The following ERBB4 variants were observed in gnomAD, a reference collection of about 807,000 sequenced individuals.
ERBB4 encodes receptor tyrosine-protein kinase erbB-4.
In ERBB4, 42 loss-of-function variants were observed where a neutral mutation model predicts 158.0. The observed-to-expected ratio is 0.27, with a 90% CI of 0.21 to 0.34. The LOEUF is 0.34. Among genes scored for constraint, ERBB4 ranks in the 10% least tolerant of loss-of-function variants. ERBB4 has a pLI of 1.00. For missense variants in ERBB4, 1,333 were observed against 1,624.1 expected (o/e 0.82, Z 3.08); for synonymous variants, 583 against 558.7 (o/e 1.04, Z -0.61).
rs2062465252 is a variant in ERBB4 at position 211,375,957 on chromosome 2, C to T, written c.*7658G>A. 4.3e-6 allele frequency: 1 copy of T among 232,736 alleles called. No individual in the cohort carries two copies. Among genetic ancestry groups the T allele is most frequent in the East Asian group, 6.1e-5 (1 of 16,474 alleles). 14.4% of individuals were successfully genotyped at this position (232,736 alleles called of 1,614,324 possible). ...AGCCTAATTACATAAATGTAAAATA[C>T]TGTTTCTCCCTCATTCTCAAATAAC... On this transcript the variant is annotated 3_prime_UTR_variant, in exon 28 of 28. Transcript: ENST00000342788.
chr2:212,484,018 G>A (rs1196191016), intron 1 of ERBB4, among the ~76,000 whole-genome samples: 1 of 152,150 alleles, frequency 6.6e-6, no homozygotes, highest in African/African-American at 2.4e-5. Flanking sequence ...TTACAGGCAT[G>A]AGCCACCGCG....
At chr2:212,157,692 A>G (rs576228972) in intron 1 of ERBB4, among the ~76,000 whole-genome samples, 17 of 152,238 alleles carry the variant, frequency 1.1e-4, no homozygotes, top group African/African-American at 4.1e-4. Flanking sequence ...AAGTTTATCA[A>G]TTGATAAGTC....
At chr2:211,442,729 A>ATG (rs1350114891) in intron 20 of ERBB4, among the ~76,000 whole-genome samples, 3 of 58,716 alleles carry the variant, frequency 5.1e-5, no homozygotes, top group African/African-American at 1.7e-4. Flanking sequence ...ATATATACAT[A>ATG]TGTGTATATA....
intron 2 of ERBB4, among the ~76,000 whole-genome samples, chr2:211,957,618 A>T (rs2081069820): frequency 6.6e-6 from 1 of 151,994 alleles, no homozygotes; most frequent in Non-Finnish European, 1.5e-5. Flanking sequence ...AAATCCTAGG[A>T]TTATTTTGAG....
chr2:211,721,620 CATATATATATATAT>C (rs71054137), intron 7 of ERBB4, among the ~76,000 whole-genome samples: 1 of 131,904 alleles, frequency 7.6e-6, no homozygotes, highest in African/African-American at 3.1e-5. Context: ...TGCTATTAAA[CATATATATATATAT>C]ATATATATAT....
At chr2:212,181,995 G>A (rs1441245921) in intron 1 of ERBB4, among the ~76,000 whole-genome samples, 2 of 151,534 alleles carry the variant, frequency 1.3e-5, no homozygotes, top group Non-Finnish European at 3.0e-5. Context: ...TTATTTGTGT[G>A]GTAACCTTAC....
rs899450721 is a variant in ERBB4, at chr2:211,780,805, C to T, written c.556+7220G>A. The stretch of plus-strand genomic sequence containing the variant: ...TTTATTAAAACAGGTCCATAAAAAT[C>T]TGTTTTATCGGTATTTTAGAAAAAT... On this transcript the variant is annotated intron_variant, in intron 4 of 27. Transcript: ENST00000342788. Among the ~76,000 whole-genome samples, 5 of 152,104 alleles carry T rather than the reference C, an allele frequency of 3.3e-5. No homozygotes were observed. In the South Asian group the frequency reaches 1.0e-3, roughly 31 times the overall value.
chr2:211,580,279 G>A (rs1332811863), intron 19 of ERBB4, among the ~76,000 whole-genome samples: 4 of 152,000 alleles, frequency 2.6e-5, no homozygotes, highest in Non-Finnish European at 5.9e-5. Flanking sequence ...AATCTGCAAC[G>A]AAATCAAACA....
chr2:212,490,913 C>T (rs941317180), intron 1 of ERBB4, among the ~76,000 whole-genome samples: 1 of 151,704 alleles, frequency 6.6e-6, no homozygotes, highest in Non-Finnish European at 1.5e-5. Context: ...ATTACTGATA[C>T]TCTTGAAAGT....
At chr2:211,854,317 T>C (rs1231194609) in intron 3 of ERBB4, among the ~76,000 whole-genome samples, 1 of 152,112 alleles carries the variant, frequency 6.6e-6, no homozygotes, top group Non-Finnish European at 1.5e-5. Flanking sequence ...ATTTAATTGT[T>C]AAATATTATA....
intron 3 of ERBB4, among the ~76,000 whole-genome samples, chr2:211,888,408 A>C (rs988251922): frequency 5.9e-5 from 9 of 152,260 alleles, no homozygotes; most frequent in Non-Finnish European, 2.9e-5. Context: ...ATTTCACAAG[A>C]ATGTATGTGT....
At chr2:211,553,260 C>T (rs112022960) in intron 20 of ERBB4, among the ~76,000 whole-genome samples, 10 of 152,208 alleles carry the variant, frequency 6.6e-5, no homozygotes, top group South Asian at 4.1e-4. Flanking sequence ...TGAGCCACCA[C>T]GCCCAGCCCA....
intron 1 of ERBB4, among the ~76,000 whole-genome samples, chr2:212,225,408 G>C (rs2083439371): frequency 6.6e-6 from 1 of 151,898 alleles, no homozygotes; most frequent in Admixed American, 6.6e-5. Flanking sequence ...TAAATTTTCT[G>C]GCTAGAATCT....
At chr2:211,935,152 A>T (rs115588416) in intron 3 of ERBB4, among the ~76,000 whole-genome samples, 5,281 of 152,266 alleles carry the variant, frequency 0.035, 125 homozygotes, top group Middle Eastern at 0.088. Context: ...TCCTTGTGGT[A>T]TATTACTTAA....
At chr2:212,463,376 T>C (rs1435608312) in intron 1 of ERBB4, among the ~76,000 whole-genome samples, 1 of 152,068 alleles carries the variant, frequency 6.6e-6, no homozygotes, top group Non-Finnish European at 1.5e-5. Context: ...ATATGAACAT[T>C]TGTGTCAATT....
chr2:212,187,299 C>A (rs977054545), intron 1 of ERBB4, among the ~76,000 whole-genome samples: 2 of 151,994 alleles, frequency 1.3e-5, no homozygotes, highest in African/African-American at 4.8e-5. Context: ...TTTAAGATTT[C>A]AACCAGAAAA....
intron 1 of ERBB4, among the ~76,000 whole-genome samples, chr2:212,198,984 A>G (rs142145976): frequency 1.2e-4 from 18 of 152,214 alleles, no homozygotes; most frequent in African/African-American, 4.3e-4. Flanking sequence ...ATTCACAAAT[A>G]TCTGTTCGAG....
chr2:212,035,304 T>G (rs1055909014), intron 2 of ERBB4, among the ~76,000 whole-genome samples: 3 of 152,308 alleles, frequency 2.0e-5, no homozygotes, highest in African/African-American at 7.2e-5. Flanking sequence ...TTAACTGTTT[T>G]ATTTGGGTTA....
intron 1 of ERBB4, among the ~76,000 whole-genome samples, chr2:212,395,012 A>G (rs1260899294): frequency 6.6e-6 from 1 of 152,146 alleles, no homozygotes; most frequent in Admixed American, 6.6e-5. Flanking sequence ...ACATTAGTAA[A>G]ACATAAAACT....
Sources: gnomAD v4.1 joint callset for allele counts (sites outside exome capture counted in the v4.1 genomes callset) on GRCh38, gnomAD v4.1.1 for gene constraint, MANE v1.5 for transcripts, NCBI Gene and HGNC (gene_info 2026-07-23, HGNC 2026-07-21) for gene names.